IL1A: variants seen among roughly 807,000 people sequenced by gnomAD.
The protein encoded by IL1A is interleukin-1 alpha.
In IL1A, 16 loss-of-function variants were observed where a neutral mutation model predicts 22.2. The ratio of observed to expected loss-of-function variants is 0.72; its 90% CI spans 0.49 to 1.09. The LOEUF is 1.09. Ranked by LOEUF, IL1A falls within the 50% of genes least tolerant of loss-of-function variation. The probability of loss-of-function intolerance (pLI) is 0.00; values close to 1 mark genes in which losing one functional copy is unlikely to be tolerated. For missense variants in IL1A, 317 were observed against 321.8 expected (o/e 0.99, Z 0.11); for synonymous variants, 113 against 118.5 (o/e 0.95, Z 0.30).
At position 112,774,183 on chromosome 2, in the gene IL1A, G is replaced by T. The variant is rs1573249343; in HGVS notation, c.*884C>A. 4 of 152,136 alleles carry T rather than the reference G, an allele frequency of 2.6e-5. No homozygotes were observed. In the East Asian group the frequency reaches 7.7e-4, roughly 29 times the overall value. The allele number at this position is 152,136 out of a possible 1,614,324, so 9.4% of individuals were successfully genotyped here. A position where few individuals can be genotyped will look rare whatever the true frequency, so the allele number is the denominator to read the frequency against. ...TAAGTTTAATGGCAAAAGAGTCAAA[G>T]ATCGGACCAATTACTGGCTCAAGGT... On this transcript the variant is annotated 3_prime_UTR_variant, in exon 7 of 7. Coordinates refer to ENST00000263339, the MANE Select transcript of IL1A (RefSeq NM_000575.5).
At position 112,781,773 on chromosome 2, in the gene IL1A, T is replaced by C. The variant is rs760758291; in HGVS notation, c.150A>G (p.Gln50=). 19 of 1,614,050 alleles carry C rather than the reference T, an allele frequency of 1.2e-5. No individual in the cohort carries two copies. The highest frequency in any genetic ancestry group is 1.6e-4 in the Middle Eastern group (1 of 6,084). The part of the protein sequence containing the change: ...YGPLHEGCMD[Q]SVSLSISETS... ...TTTCAGAGATACTCAGAGACACAGA[T>C]TGATCCATGCAGCCTTCATGGAGTG... Residue 50 remains glutamine (Q), a synonymous_variant, in exon 4 of 7, where the codon CAA becomes CAG. Coordinates refer to ENST00000263339, the MANE Select transcript of IL1A (RefSeq NM_000575.5).
intron 6 of IL1A, among the ~76,000 whole-genome samples, chr2:112,775,896 T>G (rs1297753044): frequency 6.6e-6 from 1 of 152,228 alleles, no homozygotes; most frequent in Non-Finnish European, 1.5e-5. Flanking sequence ...AGATTTCAAA[T>G]TCCAAGTTGA....
rs371621901 is a variant in IL1A at position 112,781,768 on chromosome 2, A to G, written c.155T>C (p.Val52Ala). Residue 52 changes from valine (V) to alanine (A), a missense_variant, in exon 4 of 7, where the codon GTG (valine) becomes GCG (alanine). Coordinates refer to ENST00000263339, the MANE Select transcript of IL1A (RefSeq NM_000575.5). ...PLHEGCMDQSVSLSISETSKT... is the reference protein window; with the variant it reads ...PLHEGCMDQSASLSISETSKT... ...AGAGGTTTCAGAGATACTCAGAGACACAGATTGATCCATGCAGCCTTCATG... is the reference window on the plus strand; with the variant it reads ...AGAGGTTTCAGAGATACTCAGAGACGCAGATTGATCCATGCAGCCTTCATG... The G allele has an allele frequency of 2.5e-6, 4 of 1,614,094 alleles. No individual in the cohort carries two copies. The highest frequency in any genetic ancestry group is 3.4e-6 in the Non-Finnish European group (4 of 1,180,030).
intron 2 of IL1A, among the ~76,000 whole-genome samples, chr2:112,783,353 G>A (rs184869807): frequency 6.6e-6 from 1 of 152,274 alleles, no homozygotes; most frequent in East Asian, 1.9e-4. Flanking sequence ...AGCTTGCTGT[G>A]GAGCCATTTC....
chr2:112,778,781 A>G (rs1316103023), intron 5 of IL1A, among the ~76,000 whole-genome samples: 1 of 152,258 alleles, frequency 6.6e-6, no homozygotes, highest in Non-Finnish European at 1.5e-5. Flanking sequence ...GGAAAATTGC[A>G]GAAATAATAT....
chr2:112,779,637 TA>T lies in IL1A; in HGVS notation c.348del (p.Phe116LeufsTer4). 6.2e-7 allele frequency: 1 copy of T among 1,611,242 alleles called. No individual in the cohort carries two copies. Among genetic ancestry groups the T allele is most frequent in the Non-Finnish European group, 8.5e-7 (1 of 1,177,598 alleles). Reference protein sequence around the residue: ...EEIIKPRSAPFSFLSNVKYNF... With the variant: ...EEIIKPRSAPXSFLSNVKYNF... ...TTGTATTTCACATTGCTCAGGAAGC[TA>T]AAAGGTGCTGACCTAGGCTTGATGA... is the stretch of plus-strand genomic sequence containing the variant. On this transcript the variant is annotated frameshift_variant, in exon 5 of 7. Transcript: ENST00000263339. LOFTEE classifies it high-confidence loss of function.
chr2:112,781,861 T>C, intron 3 of IL1A, 35 bp from the exon 4 acceptor site: 1 of 1,484,410 alleles, frequency 6.7e-7, no homozygotes, highest in Non-Finnish European at 9.4e-7. Context: ...GAGAGGCTGT[T>C]CATGGTCAGG....
chr2:112,780,327 A>G (rs1681174214), intron 4 of IL1A, among the ~76,000 whole-genome samples: 1 of 152,250 alleles, frequency 6.6e-6, no homozygotes, highest in Non-Finnish European at 1.5e-5. Context: ...TGTGTATAGC[A>G]AAGATTTTAA....
intron 6 of IL1A, 46 bp downstream of exon 6, chr2:112,777,941 A>T (rs1274736608): frequency 1.2e-6 from 2 of 1,604,374 alleles, no homozygotes; most frequent in Admixed American, 1.7e-5. Context: ...ATTTACAAAC[A>T]TATGAGATGT....
intron 4 of IL1A, 29 bp downstream of exon 4, chr2:112,781,575 G>T: frequency 6.4e-7 from 1 of 1,554,818 alleles, no homozygotes; most frequent in Non-Finnish European, 8.9e-7. Flanking sequence ...AACTGTAAAA[G>T]AAAGATATTA....
chr2:112,779,336 A>G (rs1039836252), intron 5 of IL1A, among the ~76,000 whole-genome samples, 160 bp downstream of exon 5: 2 of 151,738 alleles, frequency 1.3e-5, no homozygotes, highest in Non-Finnish European at 2.9e-5. Flanking sequence ...CTGGCTTGGG[A>G]TTTTTATGGG....
intron 1 of IL1A, among the ~76,000 whole-genome samples, chr2:112,784,179 T>C (rs1681261482): frequency 6.6e-6 from 1 of 152,224 alleles, no homozygotes; most frequent in Admixed American, 6.5e-5. Context: ...TTCCCTCCCA[T>C]GAGAAGCCTC....
At chr2:112,779,350 G>T in intron 5 of IL1A, 146 bp downstream of exon 5, 1 of 553,720 alleles carries the variant, frequency 1.8e-6, no homozygotes, top group Non-Finnish European at 3.0e-6. Context: ...TTATGGGGGT[G>T]CTGTGCTTCA....
intron 2 of IL1A, 121 bp downstream of exon 2, chr2:112,783,603 T>C (rs1400381181): frequency 1.3e-6 from 1 of 771,936 alleles, no homozygotes; most frequent in Non-Finnish European, 2.3e-6. Context: ...ACTTCAGGAC[T>C]AGTACACATC....
chr2:112,781,604 C>T lies in IL1A; in HGVS notation c.319G>A (p.Glu107Lys), dbSNP rs1681201211. ...GATATTATTGTGCTTGACCCCTTAC[C>T]TTCCTCTGAGTCATTGGCGATGGCC... is the stretch of plus-strand genomic sequence containing the variant. Reference protein sequence around the residue: ...LEAIANDSEEEIIKPRSAPFS... With the variant: ...LEAIANDSEEKIIKPRSAPFS... Residue 107 changes from glutamate (E) to lysine (K), a missense_variant and splice_region_variant, in exon 4 of 7, where the codon GAA (glutamate) becomes AAA (lysine). Coordinates refer to ENST00000263339, the MANE Select transcript of IL1A (RefSeq NM_000575.5). The T allele has an allele frequency of 6.2e-7, 1 of 1,611,162 alleles. No individual in the cohort carries two copies. The highest frequency in any genetic ancestry group is 1.3e-5 in the African/African-American group (1 of 74,832).
At chr2:112,775,851 A>T (rs1008927394) in intron 6 of IL1A, among the ~76,000 whole-genome samples, 1 of 152,258 alleles carries the variant, frequency 6.6e-6, no homozygotes, top group African/African-American at 2.4e-5. Context: ...TCTTGTGAGT[A>T]TGAGTAGAAT....
intron 4 of IL1A, 77 bp from the exon 5 acceptor site, chr2:112,779,743 GA>G: frequency 9.5e-7 from 1 of 1,049,288 alleles, no homozygotes. Context: ...TACAAACAGG[GA>G]AAATAGTTCT....
chr2:112,780,847 C>T (rs1463797540), intron 4 of IL1A, among the ~76,000 whole-genome samples: 1 of 151,894 alleles, frequency 6.6e-6, no homozygotes, highest in African/African-American at 2.4e-5. Context: ...GGTGAAACTC[C>T]GTCTCTACTA....
Position 112,775,016 on chromosome 2 carries a change from G to C in IL1A, c.*51C>G, listed in dbSNP as rs1262279729. The C allele has an allele frequency of 6.4e-6, 9 of 1,409,054 alleles. No individual in the cohort carries two copies. Among genetic ancestry groups the C allele is most frequent in the Non-Finnish European group, 9.0e-6 (9 of 995,890 alleles). 87.3% of individuals were successfully genotyped at this position (1,409,054 alleles called of 1,614,324 possible). On this transcript the variant is annotated 3_prime_UTR_variant, in exon 7 of 7. Transcript: ENST00000263339. The stretch of plus-strand genomic sequence containing the variant: ...AGGATTTAGCTTCTTCATGTACATG[G>C]TACATATGAACTGTCAACACTGCAC...
Sources: allele counts gnomAD v4.1 joint callset (sites outside exome capture counted in the v4.1 genomes callset), GRCh38; gene constraint gnomAD v4.1.1; transcripts MANE v1.5; gene names NCBI Gene and HGNC (gene_info 2026-07-23, HGNC 2026-07-21).